Variants in SDHAF3 observed in about 807,000 individuals in gnomAD.
The protein encoded by SDHAF3 is succinate dehydrogenase assembly factor 3, mitochondrial.
In SDHAF3, 18 loss-of-function variants were observed where a neutral mutation model predicts 11.5. The observed-to-expected ratio is 1.56, with a 90% CI of 1.08 to 2.32. The LOEUF is 2.32. SDHAF3 is among the 30% of genes most tolerant of loss of function. The probability of loss-of-function intolerance (pLI) is 0.00; values close to 1 mark genes in which losing one functional copy is unlikely to be tolerated. For missense variants in SDHAF3, 200 were observed against 154.4 expected (o/e 1.30, Z -1.57); for synonymous variants, 72 against 59.3 (o/e 1.21, Z -0.99).
chr7:97,150,819 C>T (rs1055349927), intron 1 of SDHAF3, among the ~76,000 whole-genome samples: 2 of 151,982 alleles, frequency 1.3e-5, no homozygotes, highest in Non-Finnish European at 2.9e-5. Context: ...GCCATGGCCT[C>T]CCAAAGTGCT....
At chr7:97,150,475 A>C (rs1228786150) in intron 1 of SDHAF3, among the ~76,000 whole-genome samples, 1 of 152,074 alleles carries the variant, frequency 6.6e-6, no homozygotes, top group African/African-American at 2.4e-5. Context: ...AAACATTATT[A>C]ATCTCCTTGT....
chr7:97,118,783 G>GT (rs1051359228), intron 1 of SDHAF3, among the ~76,000 whole-genome samples: 2 of 151,070 alleles, frequency 1.3e-5, no homozygotes, highest in African/African-American at 4.9e-5. Context: ...AGTCGGCTTT[G>GT]TAAAAAAAAA....
At chr7:97,152,128 C>T (rs1001719584) in intron 1 of SDHAF3, among the ~76,000 whole-genome samples, 7 of 152,180 alleles carry the variant, frequency 4.6e-5, no homozygotes, top group East Asian at 3.9e-4. Flanking sequence ...TCTGCCCTGC[C>T]GGTTCATCCC....
chr7:97,174,222 T>C (rs1789647546), intron 1 of SDHAF3, among the ~76,000 whole-genome samples: 1 of 152,206 alleles, frequency 6.6e-6, no homozygotes, highest in Non-Finnish European at 1.5e-5. Flanking sequence ...AGCATTTTTG[T>C]TCAAATAAGA....
chr7:97,159,029 T>C (rs1456344862), intron 1 of SDHAF3, among the ~76,000 whole-genome samples: 1 of 152,220 alleles, frequency 6.6e-6, no homozygotes, highest in Non-Finnish European at 1.5e-5. Context: ...CAGAACATAG[T>C]ATAAAGTTAC....
At chr7:97,145,597 T>C (rs1789123035) in intron 1 of SDHAF3, among the ~76,000 whole-genome samples, 1 of 152,156 alleles carries the variant, frequency 6.6e-6, no homozygotes, top group Admixed American at 6.5e-5. Flanking sequence ...TGAAACCCAA[T>C]ATGTGAAATT....
chr7:97,138,799 T>G (rs1788973495), intron 1 of SDHAF3, among the ~76,000 whole-genome samples: 1 of 152,232 alleles, frequency 6.6e-6, no homozygotes, highest in Admixed American at 6.5e-5. Flanking sequence ...ACACAGTATT[T>G]TTTTGGTGCT....
rs1409168027 is a variant in SDHAF3 at position 97,181,316 on chromosome 7, TTAA to T, written c.*103_*105del. ...ATTTAAGCTTTGAAAACACCTGTTA[TTAA>T]TGAAATACTCTTTTATTTTGGATAT... On this transcript the variant is annotated 3_prime_UTR_variant, in exon 2 of 2. Coordinates refer to ENST00000432641, the MANE Select transcript of SDHAF3 (RefSeq NM_020186.3). The T allele has an allele frequency of 1.3e-6, 1 of 793,372 alleles. No homozygotes were observed. The highest frequency in any genetic ancestry group is 2.7e-5 in the East Asian group (1 of 36,858). The allele number at this position is 793,372 out of a possible 1,614,324, so 49.1% of individuals were successfully genotyped here.
intron 1 of SDHAF3, among the ~76,000 whole-genome samples, chr7:97,127,150 G>A (rs1338112428): frequency 6.6e-6 from 1 of 152,192 alleles, no homozygotes; most frequent in South Asian, 2.1e-4. Context: ...ACCAGTCCCA[G>A]TGAGATGAAC....
At chr7:97,175,384 A>G (rs1789665189) in intron 1 of SDHAF3, among the ~76,000 whole-genome samples, 1 of 152,158 alleles carries the variant, frequency 6.6e-6, no homozygotes, top group Admixed American at 6.5e-5. Flanking sequence ...CATTAAGCCC[A>G]ATATCCAATA....
At chr7:97,133,093 T>C (rs745345805) in intron 1 of SDHAF3, among the ~76,000 whole-genome samples, 3 of 152,202 alleles carry the variant, frequency 2.0e-5, no homozygotes, top group Non-Finnish European at 4.4e-5. Context: ...CTCAGAATCA[T>C]GTATTTTTTT....
At chr7:97,173,419 A>G (rs1177980189) in intron 1 of SDHAF3, among the ~76,000 whole-genome samples, 2 of 152,142 alleles carry the variant, frequency 1.3e-5, no homozygotes, top group Non-Finnish European at 2.9e-5. Context: ...ATCAGGTTTC[A>G]TCTGTACCCC....
intron 1 of SDHAF3, among the ~76,000 whole-genome samples, chr7:97,161,758 C>T (rs556446182): frequency 6.6e-5 from 10 of 152,186 alleles, no homozygotes; most frequent in Non-Finnish European, 1.3e-4. Context: ...CTGCGAAGGA[C>T]ATAAACTCAT....
intron 1 of SDHAF3, among the ~76,000 whole-genome samples, chr7:97,168,638 G>A (rs1275411865): frequency 6.6e-6 from 1 of 152,108 alleles, no homozygotes; most frequent in Non-Finnish European, 1.5e-5. Flanking sequence ...TAATGAAGAT[G>A]GAAAAAGTGT....
At chr7:97,164,972 TA>T (rs1369778768) in intron 1 of SDHAF3, among the ~76,000 whole-genome samples, 1 of 152,204 alleles carries the variant, frequency 6.6e-6, no homozygotes, top group East Asian at 1.9e-4. Flanking sequence ...GATGAAATTG[TA>T]ATGGAAAACA....
intron 1 of SDHAF3, among the ~76,000 whole-genome samples, chr7:97,151,498 T>C (rs1396319594): frequency 4.3e-5 from 3 of 70,126 alleles, no homozygotes; most frequent in Non-Finnish European, 7.5e-5. Flanking sequence ...TGCTAACCTT[T>C]AGTCCTTTTT....
chr7:97,164,858 CATATTATTAT>C (rs1554354279), intron 1 of SDHAF3, among the ~76,000 whole-genome samples: 2 of 151,964 alleles, frequency 1.3e-5, no homozygotes, highest in Non-Finnish European at 2.9e-5. Context: ...ACTGAAGCAA[CATATTATTAT>C]ATAAACAAAA....
At chr7:97,151,961 A>G (rs942321358) in intron 1 of SDHAF3, among the ~76,000 whole-genome samples, 7 of 152,166 alleles carry the variant, frequency 4.6e-5, no homozygotes, top group Non-Finnish European at 8.8e-5. Context: ...CTGAGCCCCA[A>G]TACTACATTG....
At chr7:97,173,709 C>T (rs1453255001) in intron 1 of SDHAF3, among the ~76,000 whole-genome samples, 5 of 151,792 alleles carry the variant, frequency 3.3e-5, no homozygotes, top group Admixed American at 1.3e-4. Flanking sequence ...CCCACCACCA[C>T]GCCCGGCTAA....
Sources: gnomAD v4.1 joint callset for allele counts (sites outside exome capture counted in the v4.1 genomes callset) on GRCh38, gnomAD v4.1.1 for gene constraint, MANE v1.5 for transcripts, NCBI Gene and HGNC (gene_info 2026-07-23, HGNC 2026-07-21) for gene names.